The following BTBD16 variants were observed in gnomAD, a reference collection of about 807,000 sequenced individuals.
BTBD16 encodes BTB/POZ domain-containing protein 16.
BTBD16 carries 66 observed loss-of-function variants against 67.4 expected under a neutral mutation model. That is an observed-to-expected ratio of 0.98 (90% CI 0.80 to 1.20). The LOEUF (loss-of-function observed/expected upper bound fraction) is 1.20, where lower values mean the gene tolerates loss of function less well. BTBD16 is among the 50% of genes most tolerant of loss of function. The pLI, the probability that BTBD16 is intolerant of heterozygous loss-of-function variation, is 0.00. For synonymous variants in BTBD16, 242 were observed against 236.4 expected, an observed-to-expected ratio of 1.02 and a Z score of -0.22; for missense variants, 634 against 616.0, an observed-to-expected ratio of 1.03 and a Z score of -0.31.
At position 122,329,519 on chromosome 10, in the gene BTBD16, A is replaced by G. The variant is rs1457087620; in HGVS notation, c.951A>G (p.Gly317=). ...GTTGCTTTCTGGACCGGGACATAGG[A>G]CGGAGCTTGAGGCCGCTCTTCCTCT... ...ENCCFLDRDI[G]RSLRPLFLCL... Residue 317 remains glycine, a synonymous_variant, in exon 11 of 16, where the codon GGA becomes GGG. Transcript: ENST00000260723. The G allele has an allele frequency of 6.2e-7, 1 of 1,613,858 alleles. No homozygotes were observed.
intron 4 of BTBD16, 118 bp downstream of exon 4, chr10:122,284,042 C>A: frequency 1.4e-6 from 1 of 719,188 alleles, no homozygotes; most frequent in Non-Finnish European, 2.5e-6. Flanking sequence ...AGTTGCAATT[C>A]TCATCCACTT....
At chr10:122,292,286 AGGAT>A (rs2096375531) in intron 7 of BTBD16, among the ~76,000 whole-genome samples, 1 of 152,246 alleles carries the variant, frequency 6.6e-6, no homozygotes, top group East Asian at 1.9e-4. Context: ...ATAGGGCTTT[AGGAT>A]GGAGTGTTTG....
intron 9 of BTBD16, among the ~76,000 whole-genome samples, chr10:122,304,719 A>G (rs1022665350): frequency 2.0e-5 from 3 of 151,726 alleles, no homozygotes; most frequent in African/African-American, 7.3e-5. Context: ...ATGCCCGGAT[A>G]ATTTTTTGTA....
intron 13 of BTBD16, among the ~76,000 whole-genome samples, chr10:122,333,886 G>A (rs368627134): frequency 2.5e-4 from 38 of 152,150 alleles, no homozygotes; most frequent in South Asian, 1.7e-3. Context: ...AGCCTCCAGG[G>A]TTCACTGGGC....
Position 122,335,813 on chromosome 10 carries a change from C to A in BTBD16, c.1264-681C>A, listed in dbSNP as rs182292450. Among the ~76,000 whole-genome samples the A allele has an allele frequency of 1.2e-4, 18 of 152,228 alleles. No homozygotes were observed. The East Asian group carries it at 3.5e-3, about 29-fold the overall frequency. On this transcript the variant is annotated intron_variant, in intron 14 of 15. Coordinates refer to ENST00000260723, the MANE Select transcript of BTBD16 (RefSeq NM_144587.5). ...TTTTGAGAGGCCATATCTTATTAAT[C>A]TTTTTATTACTACTGCCAATCACAG... is the stretch of plus-strand genomic sequence containing the variant.
At chr10:122,289,000 G>T (rs57660907) in intron 5 of BTBD16, among the ~76,000 whole-genome samples, 11,908 of 152,224 alleles carry the variant, frequency 0.078, 645 homozygotes, top group African/African-American at 0.15. Flanking sequence ...GCTCACATTC[G>T]AGGATGACTG....
chr10:122,293,942 C>A, intron 7 of BTBD16: 1 of 168,122 alleles, frequency 5.9e-6, no homozygotes, highest in Non-Finnish European at 1.2e-5. Flanking sequence ...CAGAGATGAA[C>A]CAAGAAGGGC....
chr10:122,281,419 C>T lies in BTBD16; in HGVS notation c.168-2432C>T, dbSNP rs180820936. On this transcript the variant is annotated intron_variant, in intron 3 of 15. Coordinates refer to ENST00000260723, the MANE Select transcript of BTBD16 (RefSeq NM_144587.5). ...TTAAAGAGATTTAGAGATGAGGTCT[C>T]GCGCAGTTGCCCAGGCTAGAAGGCA... Among the ~76,000 whole-genome samples, 20 of 151,972 alleles carry T rather than the reference C, an allele frequency of 1.3e-4. No individual in the cohort carries two copies. The East Asian group carries it at 1.4e-3, about 10-fold the overall frequency.
chr10:122,280,969 A>G (rs765514659), intron 3 of BTBD16, among the ~76,000 whole-genome samples: 3 of 151,986 alleles, frequency 2.0e-5, no homozygotes, highest in Non-Finnish European at 2.9e-5. Context: ...CACATGCTGA[A>G]TTTTTTATTT....
Sources: gnomAD v4.1 joint callset for allele counts (sites outside exome capture counted in the v4.1 genomes callset) on GRCh38, gnomAD v4.1.1 for gene constraint, MANE v1.5 for transcripts, NCBI Gene and HGNC (gene_info 2026-07-23, HGNC 2026-07-21) for gene names.